The following AKAP19 variants were observed in gnomAD, a reference collection of about 807,000 sequenced individuals.
The protein encoded by AKAP19 is A-kinase anchoring protein 19.
At chr2:190,149,737 A>C in the AKAP19 span, among the ~76,000 whole-genome samples, 2 of 152,216 alleles carry the variant, frequency 1.3e-5, no homozygotes, top group African/African-American at 4.8e-5. Context: ...ATGGCCTATC[A>C]TATGGTCTAT....
chr2:190,005,898 G>T, the AKAP19 span, among the ~76,000 whole-genome samples: 1 of 151,972 alleles, frequency 6.6e-6, no homozygotes, highest in Admixed American at 6.6e-5. Context: ...CATTTTCCTT[G>T]GTCAATTTAG....
the AKAP19 span, among the ~76,000 whole-genome samples, chr2:189,956,761 G>T: frequency 6.6e-6 from 1 of 151,900 alleles, no homozygotes; most frequent in Non-Finnish European, 1.5e-5. Context: ...TTTTTAATTT[G>T]TGGTAGAGAT....
the AKAP19 span, among the ~76,000 whole-genome samples, chr2:189,911,025 TA>T: frequency 2.0e-5 from 3 of 152,102 alleles, no homozygotes; most frequent in Admixed American, 1.3e-4. Flanking sequence ...TACATATTGA[TA>T]AAAAGTTTAT....
At chr2:190,168,424 C>A in the AKAP19 span, among the ~76,000 whole-genome samples, 1 of 152,028 alleles carries the variant, frequency 6.6e-6, no homozygotes, top group Non-Finnish European at 1.5e-5. Context: ...CCCCCCACCG[C>A]CCTCCCCACT....
At chr2:189,968,197 AT>A in the AKAP19 span, among the ~76,000 whole-genome samples, 1 of 152,228 alleles carries the variant, frequency 6.6e-6, no homozygotes, top group Non-Finnish European at 1.5e-5. Flanking sequence ...CTGAGTTATA[AT>A]AAGTGTGAAC....
the AKAP19 span, among the ~76,000 whole-genome samples, chr2:190,115,508 A>G: frequency 7.0e-6 from 1 of 142,642 alleles, no homozygotes; most frequent in African/African-American, 2.6e-5. Flanking sequence ...TTTAGTAGAG[A>G]CGGGGTTTCA....
At chr2:189,950,819 T>C in the AKAP19 span, among the ~76,000 whole-genome samples, 1 of 152,222 alleles carries the variant, frequency 6.6e-6, no homozygotes, top group African/African-American at 2.4e-5. Context: ...AGAAAAGGAT[T>C]GAGATCTCAA....
the AKAP19 span, among the ~76,000 whole-genome samples, chr2:190,185,098 T>C: frequency 6.6e-6 from 1 of 152,368 alleles, no homozygotes; most frequent in East Asian, 1.9e-4. Flanking sequence ...ACCAGAGTAA[T>C]GATTCTTTTC....
the AKAP19 span, among the ~76,000 whole-genome samples, chr2:190,024,822 G>A: frequency 2.6e-5 from 4 of 152,068 alleles, no homozygotes; most frequent in Non-Finnish European, 4.4e-5. Flanking sequence ...CCATATCTAT[G>A]TGTCTTTTGC....
the AKAP19 span, among the ~76,000 whole-genome samples, chr2:189,920,190 TA>T: frequency 6.6e-6 from 1 of 152,196 alleles, no homozygotes; most frequent in Non-Finnish European, 1.5e-5. Flanking sequence ...TACTATAACA[TA>T]AAAAATATAA....
the AKAP19 span, among the ~76,000 whole-genome samples, chr2:190,139,462 C>G: frequency 6.6e-6 from 1 of 152,108 alleles, no homozygotes; most frequent in Non-Finnish European, 1.5e-5. Flanking sequence ...TGAAGAAATA[C>G]CCAAGGCTGA....
At chr2:189,914,756 T>C in the AKAP19 span, among the ~76,000 whole-genome samples, 1 of 152,148 alleles carries the variant, frequency 6.6e-6, no homozygotes, top group East Asian at 1.9e-4. Flanking sequence ...ACTCTTAGTA[T>C]ATGAAAGGTA....
the AKAP19 span, among the ~76,000 whole-genome samples, chr2:190,038,901 T>TTTCCTCTTCTTCTTC: frequency 2.2e-5 from 1 of 46,002 alleles, no homozygotes; most frequent in Admixed American, 2.6e-4. Context: ...TCTTTCTTTC[T>TTTCCTCTTCTTCTTC]TTCTTCTTCT....
the AKAP19 span, among the ~76,000 whole-genome samples, chr2:190,158,222 G>GA: frequency 6.6e-6 from 1 of 152,194 alleles, no homozygotes; most frequent in African/African-American, 2.4e-5. Context: ...GGGGAGCTCG[G>GA]ATTTTAAGGC....
chr2:190,056,963 G>A, the AKAP19 span: 2 of 338,712 alleles, frequency 5.9e-6, no homozygotes, highest in Non-Finnish European at 1.1e-5. Flanking sequence ...AACTCAAGGA[G>A]AATCGCTTTC....
the AKAP19 span, among the ~76,000 whole-genome samples, chr2:190,100,169 C>G: frequency 2.6e-5 from 4 of 152,134 alleles, no homozygotes; most frequent in Non-Finnish European, 4.4e-5. Flanking sequence ...TAAGGGAACT[C>G]TGCCCATCAG....
At chr2:190,084,282 AG>A in the AKAP19 span, among the ~76,000 whole-genome samples, 1 of 151,850 alleles carries the variant, frequency 6.6e-6, no homozygotes, top group Non-Finnish European at 1.5e-5. Flanking sequence ...TAGTAGAGAC[AG>A]GGTTTTACCA....
the AKAP19 span, among the ~76,000 whole-genome samples, chr2:190,169,067 A>G: frequency 6.6e-6 from 1 of 152,210 alleles, no homozygotes; most frequent in African/African-American, 2.4e-5. Flanking sequence ...GGTAATTTAC[A>G]AAAGGATGAG....
the AKAP19 span, chr2:189,917,423 C>G: frequency 1.2e-6 from 1 of 803,652 alleles, no homozygotes; most frequent in East Asian, 2.6e-5. Flanking sequence ...TTCTCAAAAC[C>G]ATGTCTGTTT....
Sources: gnomAD v4.1 joint callset for allele counts (sites outside exome capture counted in the v4.1 genomes callset) on GRCh38, gnomAD v4.1.1 for gene constraint, MANE v1.5 for transcripts, NCBI Gene and HGNC (gene_info 2026-07-23, HGNC 2026-07-21) for gene names.